Variants in AMMECR1 observed in about 807,000 individuals in gnomAD.
The protein encoded by AMMECR1 is nuclear protein AMMECR1.
AMMECR1 carries 3 observed loss-of-function variants against 22.5 expected under a neutral mutation model. That is an observed-to-expected ratio of 0.13 (90% CI 0.06 to 0.35). The LOEUF (loss-of-function observed/expected upper bound fraction) is 0.35. AMMECR1 is among the 10% of genes least tolerant of loss of function. The pLI is 1.00. For missense variants in AMMECR1, 235 were observed against 278.7 expected (o/e 0.84, Z 1.12); for synonymous variants, 130 against 116.7 (o/e 1.11, Z -0.74).
At chrX:110,400,174 T>A (rs1280404505) in intron 2 of AMMECR1, among the ~76,000 whole-genome samples, 1 of 106,697 alleles carries the variant, frequency 9.4e-6, no homozygotes, top group Admixed American at 1.0e-4. Context: ...TGGGTGCAAT[T>A]TCTAAAATTG....
intron 2 of AMMECR1, among the ~76,000 whole-genome samples, chrX:110,356,133 G>A (rs996163552): frequency 1.8e-4 from 19 of 107,089 alleles, no homozygotes; most frequent in Non-Finnish European, 3.7e-4. Flanking sequence ...AAATTTCAGT[G>A]AGACTGGAGG....
intron 2 of AMMECR1, among the ~76,000 whole-genome samples, chrX:110,414,038 C>T (rs1324553562): frequency 8.9e-6 from 1 of 111,892 alleles, no homozygotes; most frequent in African/African-American, 3.3e-5. Flanking sequence ...GAAGTCAGGT[C>T]TGTTTGCTTT....
chrX:110,235,482 T>C (rs2067595510), intron 2 of AMMECR1, among the ~76,000 whole-genome samples: 2 of 112,585 alleles, frequency 1.8e-5, no homozygotes, highest in African/African-American at 6.5e-5. Context: ...CATTACTGGG[T>C]ATATACCCAA....
chrX:110,350,334 G>A (rs1169746972), intron 2 of AMMECR1, among the ~76,000 whole-genome samples: 1 of 111,587 alleles, frequency 9.0e-6, no homozygotes, highest in Admixed American at 9.5e-5. Context: ...AGACCCAACA[G>A]ATAACATCAT....
chrX:110,264,411 G>T, intron 2 of AMMECR1, 78 bp downstream of exon 2: 2 of 545,894 alleles, frequency 3.7e-6, no homozygotes, highest in Non-Finnish European at 6.2e-6. Context: ...TCAGTAAAAG[G>T]AGTTAAAGTA....
chrX:110,419,555 C>G (rs1466003762), intron 2 of AMMECR1, among the ~76,000 whole-genome samples: 1 of 112,715 alleles, frequency 8.9e-6, no homozygotes, highest in Non-Finnish European at 1.9e-5. Context: ...TCCAAGAGGA[C>G]AGGGACCTTG....
At chrX:110,215,719 G>A (rs752951901) in intron 3 of AMMECR1, among the ~76,000 whole-genome samples, 25 of 111,465 alleles carry the variant, frequency 2.2e-4, no homozygotes, top group African/African-American at 8.1e-4. Flanking sequence ...GCTTCATGGT[G>A]GGAACCAAAT....
intron 3 of AMMECR1, among the ~76,000 whole-genome samples, chrX:110,203,569 T>C: frequency 9.0e-6 from 1 of 111,537 alleles, no homozygotes; most frequent in South Asian, 3.8e-4. Flanking sequence ...AGATCAATGG[T>C]TCCCAAGTGG....
At chrX:110,258,693 C>T (rs2067722936) in intron 2 of AMMECR1, among the ~76,000 whole-genome samples, 1 of 112,058 alleles carries the variant, frequency 8.9e-6, no homozygotes, top group Non-Finnish European at 1.9e-5. Context: ...GCCACAACCA[C>T]TTGCCAAAAA....
At chrX:110,416,658 C>G (rs1203863205) in intron 2 of AMMECR1, among the ~76,000 whole-genome samples, 1 of 112,017 alleles carries the variant, frequency 8.9e-6, no homozygotes, top group Non-Finnish European at 1.9e-5. Context: ...ACATGGGCCT[C>G]TTTTTGTAGT....
At chrX:110,411,241 A>G (rs756318197) in intron 2 of AMMECR1, among the ~76,000 whole-genome samples, 1 of 111,933 alleles carries the variant, frequency 8.9e-6, no homozygotes, top group African/African-American at 3.2e-5. Context: ...GTTTTGTATC[A>G]CTGGCATGGA....
intron 1 of AMMECR1, among the ~76,000 whole-genome samples, chrX:110,302,518 T>C (rs1478802462): frequency 9.0e-6 from 1 of 111,729 alleles, no homozygotes; most frequent in African/African-American, 3.3e-5. Flanking sequence ...ATATTCAAGA[T>C]TACTGCTCTT....
At chrX:110,299,984 A>C (rs905270226) in intron 1 of AMMECR1, among the ~76,000 whole-genome samples, 1 of 112,241 alleles carries the variant, frequency 8.9e-6, no homozygotes, top group African/African-American at 3.2e-5. Context: ...GCTGCAATGA[A>C]CATGGGGGCA....
chrX:110,219,217 G>T, intron 2 of AMMECR1: 2 of 271,328 alleles, frequency 7.4e-6, no homozygotes, highest in Non-Finnish European at 1.0e-5. Context: ...AGGAACCAAT[G>T]AACTATTTCT....
intron 2 of AMMECR1, among the ~76,000 whole-genome samples, chrX:110,340,016 ACAC>A (rs1471772245): frequency 1.8e-5 from 2 of 108,181 alleles, no homozygotes; most frequent in Non-Finnish European, 3.8e-5. Flanking sequence ...ACACACACAC[ACAC>A]AACATATTGG....
intron 2 of AMMECR1, among the ~76,000 whole-genome samples, chrX:110,256,661 T>A (rs1411726712): frequency 9.0e-6 from 1 of 111,469 alleles, no homozygotes; most frequent in East Asian, 2.8e-4. Context: ...CATTTAAAGA[T>A]CAACAAATTG....
chrX:110,278,091 C>T (rs1232656441), intron 1 of AMMECR1, among the ~76,000 whole-genome samples: 3 of 111,514 alleles, frequency 2.7e-5, no homozygotes, highest in Non-Finnish European at 5.6e-5. Context: ...TCCTAGAAAA[C>T]ACTAAATTTA....
At chrX:110,336,917 T>G (rs1223743269) in intron 2 of AMMECR1, among the ~76,000 whole-genome samples, 1 of 111,557 alleles carries the variant, frequency 9.0e-6, no homozygotes. Context: ...GTAATTTATG[T>G]TATTCTTGGA....
intron 2 of AMMECR1, among the ~76,000 whole-genome samples, chrX:110,234,347 G>A (rs1602807788): frequency 8.9e-6 from 1 of 112,092 alleles, no homozygotes; most frequent in South Asian, 3.7e-4. Context: ...ACAAATGGAA[G>A]AATATTCTAT....
Sources: allele counts gnomAD v4.1 joint callset (sites outside exome capture counted in the v4.1 genomes callset), GRCh38; gene constraint gnomAD v4.1.1; transcripts MANE v1.5; gene names NCBI Gene and HGNC (gene_info 2026-07-23, HGNC 2026-07-21).